The following OR51B5 variants were observed in gnomAD, a reference collection of about 807,000 sequenced individuals.
OR51B5 encodes the protein olfactory receptor family 51 subfamily B member 5, also known as olfactory receptor 51B5.
For synonymous variants in OR51B5, 186 were observed against 144.8 expected (o/e 1.28, Z -2.04); for missense variants, 456 against 374.6 (o/e 1.22, Z -1.79).
At chr11:5,428,580 G>T (rs965388204) in intron 1 of OR51B5, among the ~76,000 whole-genome samples, 1 of 113,506 alleles carries the variant, frequency 8.8e-6, no homozygotes, top group African/African-American at 2.8e-5. Context: ...TTTTATATTA[G>T]AAAGTACATA....
At chr11:5,502,440 T>G (rs1055483900) in intron 1 of OR51B5, among the ~76,000 whole-genome samples, 5 of 152,232 alleles carry the variant, frequency 3.3e-5, no homozygotes, top group African/African-American at 1.2e-4. Flanking sequence ...GCTCTTTGAA[T>G]GTCTGGCTTC....
chr11:5,452,371 T>C (rs1850865715), intron 1 of OR51B5, among the ~76,000 whole-genome samples: 1 of 151,760 alleles, frequency 6.6e-6, no homozygotes, highest in African/African-American at 2.4e-5. Flanking sequence ...CCGGGCATGG[T>C]GGCGGGAGCC....
intron 1 of OR51B5, among the ~76,000 whole-genome samples, chr11:5,400,435 C>A (rs1849951252): frequency 6.6e-6 from 1 of 152,094 alleles, no homozygotes; most frequent in African/African-American, 2.4e-5. Flanking sequence ...ACTGCCACTG[C>A]CATGATAATT....
At chr11:5,415,045 T>C (rs984173425) in intron 1 of OR51B5, among the ~76,000 whole-genome samples, 2 of 151,842 alleles carry the variant, frequency 1.3e-5, no homozygotes, top group African/African-American at 4.8e-5. Flanking sequence ...CCTCAGCAAA[T>C]GTAAAAGAAC....
chr11:5,436,039 C>T (rs1340417689), intron 1 of OR51B5, among the ~76,000 whole-genome samples: 3 of 152,110 alleles, frequency 2.0e-5, no homozygotes, highest in East Asian at 1.9e-4. Context: ...GAATATACTA[C>T]TTAGGCTGTA....
intron 1 of OR51B5, chr11:5,469,333 A>T (rs1405670071): frequency 6.5e-6 from 1 of 153,502 alleles, no homozygotes; most frequent in Non-Finnish European, 1.4e-5. Flanking sequence ...GCAGAAGGGC[A>T]GCCAGCCAGT....
At chr11:5,428,432 T>G (rs1460391897) in intron 1 of OR51B5, among the ~76,000 whole-genome samples, 1 of 152,170 alleles carries the variant, frequency 6.6e-6, no homozygotes, top group Non-Finnish European at 1.5e-5. Flanking sequence ...CATATGCTGC[T>G]GAAAAGATGG....
chr11:5,374,324 C>T (rs1240323798), intron 1 of OR51B5, among the ~76,000 whole-genome samples: 1 of 151,992 alleles, frequency 6.6e-6, no homozygotes, highest in South Asian at 2.1e-4. Flanking sequence ...CACCAAAAAC[C>T]CATCGGTACA....
At chr11:5,375,087 G>A (rs2975552) in intron 1 of OR51B5, among the ~76,000 whole-genome samples, 53,779 of 149,190 alleles carry the variant, frequency 0.36, 10,195 homozygotes, top group Non-Finnish European at 0.4. Flanking sequence ...CAGAGAGAAA[G>A]GTCGGGTTAC....
chr11:5,380,280 T>A (rs10837950), intron 1 of OR51B5, among the ~76,000 whole-genome samples: 18,660 of 152,188 alleles, frequency 0.12, 1,307 homozygotes, highest in Non-Finnish European at 0.16. Flanking sequence ...GATGCAGGTG[T>A]CCAGGGAGGC....
chr11:5,457,299 A>G (rs1458664268), intron 1 of OR51B5, among the ~76,000 whole-genome samples: 1 of 152,242 alleles, frequency 6.6e-6, no homozygotes, highest in Non-Finnish European at 1.5e-5. Context: ...ATGTAGCTGC[A>G]AAGGACATGA....
intron 1 of OR51B5, among the ~76,000 whole-genome samples, chr11:5,400,219 C>G (rs943057901): frequency 2.0e-5 from 3 of 152,148 alleles, no homozygotes; most frequent in African/African-American, 7.2e-5. Context: ...TGATAATCTA[C>G]TATGTTACGT....
At chr11:5,350,857 C>G (rs559588911) in intron 1 of OR51B5, among the ~76,000 whole-genome samples, 1 of 152,142 alleles carries the variant, frequency 6.6e-6, no homozygotes, top group Non-Finnish European at 1.5e-5. Flanking sequence ...GTCACTCTTA[C>G]GTCATTTTCT....
chr11:5,352,567 G>C, intron 1 of OR51B5: 1 of 649,068 alleles, frequency 1.5e-6, no homozygotes, highest in Non-Finnish European at 2.7e-6. Context: ...GAGCATTTCA[G>C]TGGAAATCAG....
At chr11:5,410,608 T>C (rs1011611108) in intron 1 of OR51B5, among the ~76,000 whole-genome samples, 1 of 152,108 alleles carries the variant, frequency 6.6e-6, no homozygotes, top group Non-Finnish European at 1.5e-5. Flanking sequence ...TTTCTTCTAC[T>C]TAGAAAAAAA....
chr11:5,378,021 G>T (rs1415455381), intron 1 of OR51B5, among the ~76,000 whole-genome samples: 1 of 141,880 alleles, frequency 7.0e-6, no homozygotes, highest in East Asian at 1.9e-4. Flanking sequence ...TAAGCCAAAA[G>T]AACAAAGCTG....
intron 1 of OR51B5, among the ~76,000 whole-genome samples, chr11:5,420,695 C>T (rs1235544437): frequency 6.6e-6 from 1 of 152,020 alleles, no homozygotes; most frequent in Non-Finnish European, 1.5e-5. Context: ...ATATTATTTT[C>T]TCTATTTTAT....
intron 1 of OR51B5, chr11:5,488,841 T>G: frequency 1.9e-6 from 3 of 1,614,096 alleles, no homozygotes; most frequent in Non-Finnish European, 2.5e-6. Context: ...TGGTTGGAAA[T>G]GCTGCCCTCA....
intron 1 of OR51B5, among the ~76,000 whole-genome samples, chr11:5,394,571 A>C (rs1445348682): frequency 6.6e-6 from 1 of 152,208 alleles, no homozygotes; most frequent in African/African-American, 2.4e-5. Context: ...TTGATACTGT[A>C]TTTGTAAAAC....
Sources: allele counts gnomAD v4.1 joint callset (sites outside exome capture counted in the v4.1 genomes callset), GRCh38; gene constraint gnomAD v4.1.1; transcripts MANE v1.5; gene names NCBI Gene and HGNC (gene_info 2026-07-23, HGNC 2026-07-21).